Variants in RALYL observed in about 807,000 individuals in gnomAD.
RALYL encodes RALY RNA binding protein like, also known as RNA-binding Raly-like protein.
In RALYL, 29 loss-of-function variants were observed where a neutral mutation model predicts 35.1. That is an observed-to-expected ratio of 0.83 (90% CI 0.61 to 1.13). The LOEUF is 1.13. Ranked by LOEUF, RALYL falls within the 50% of genes most tolerant of loss-of-function variation. The probability of loss-of-function intolerance (pLI) is 0.00; values close to 1 mark genes in which losing one functional copy is unlikely to be tolerated. For missense variants in RALYL, 359 were observed against 360.4 expected, an observed-to-expected ratio of 1.00 and a Z score of 0.03; for synonymous variants, 120 against 127.6, an observed-to-expected ratio of 0.94 and a Z score of 0.40.
chr8:84,553,701 A>T (rs2060905378), intron 2 of RALYL, among the ~76,000 whole-genome samples: 1 of 152,038 alleles, frequency 6.6e-6, no homozygotes, highest in Non-Finnish European at 1.5e-5. Flanking sequence ...ACATTTTCTT[A>T]TTGTGCCTGG....
chr8:84,818,341 T>TATCA (rs1418548931), intron 4 of RALYL, among the ~76,000 whole-genome samples: 1 of 152,226 alleles, frequency 6.6e-6, no homozygotes, highest in Non-Finnish European at 1.5e-5. Context: ...GATAGCTGTC[T>TATCA]ATCAAGCATT....
intron 2 of RALYL, among the ~76,000 whole-genome samples, chr8:84,678,265 T>C (rs1834631434): frequency 6.6e-6 from 1 of 150,950 alleles, no homozygotes; most frequent in Non-Finnish European, 1.5e-5. Flanking sequence ...TGTTTTTTTG[T>C]TTTTGTTTTT....
intron 1 of RALYL, among the ~76,000 whole-genome samples, chr8:84,341,824 C>T (rs1004431217): frequency 4.0e-5 from 6 of 151,878 alleles, no homozygotes; most frequent in Non-Finnish European, 8.8e-5. Context: ...AGTCACTATT[C>T]AAGTCACTAT....
chr8:84,701,026 A>G (rs565882410), intron 2 of RALYL, among the ~76,000 whole-genome samples: 142 of 152,308 alleles, frequency 9.3e-4, no homozygotes, highest in African/African-American at 3.1e-3. Context: ...GAGAAAAGCC[A>G]GTGTTACCAC....
chr8:84,571,346 G>T (rs1476195860), intron 2 of RALYL, among the ~76,000 whole-genome samples: 1 of 151,676 alleles, frequency 6.6e-6, no homozygotes, highest in Admixed American at 6.6e-5. Context: ...ATCTTGGCTG[G>T]TTGTAAGTTT....
intron 2 of RALYL, among the ~76,000 whole-genome samples, chr8:84,725,295 G>T (rs962971708): frequency 1.3e-5 from 2 of 151,790 alleles, no homozygotes; most frequent in Middle Eastern, 3.4e-3. Context: ...TATCAACCAA[G>T]AATGGATATA....
intron 2 of RALYL, among the ~76,000 whole-genome samples, chr8:84,681,340 T>G (rs1022553879): frequency 5.3e-5 from 8 of 152,194 alleles, no homozygotes; most frequent in African/African-American, 1.9e-4. Context: ...GTGGGCTCAT[T>G]TTGCTTCCAT....
chr8:84,799,719 G>A (rs1013874060), intron 3 of RALYL, among the ~76,000 whole-genome samples: 3 of 152,240 alleles, frequency 2.0e-5, no homozygotes, highest in African/African-American at 7.2e-5. Flanking sequence ...CACTTTGGGA[G>A]GCCGAGGCAG....
At chr8:84,201,004 G>A (rs922910022) in intron 1 of RALYL, among the ~76,000 whole-genome samples, 5 of 152,126 alleles carry the variant, frequency 3.3e-5, no homozygotes, top group Admixed American at 2.0e-4. Flanking sequence ...ATTATATAAT[G>A]TATAAGAATG....
chr8:84,691,506 A>C (rs1237370628), intron 2 of RALYL, among the ~76,000 whole-genome samples: 4 of 152,234 alleles, frequency 2.6e-5, no homozygotes, highest in Admixed American at 6.6e-5. Context: ...AAAAACAAAG[A>C]GTAAGACTTC....
chr8:84,344,945 C>T (rs1183792326), intron 1 of RALYL, among the ~76,000 whole-genome samples: 1 of 152,030 alleles, frequency 6.6e-6, no homozygotes, highest in South Asian at 2.1e-4. Context: ...CATTCATCCA[C>T]TGATGGACAC....
At chr8:84,728,794 G>A (rs1360282770) in intron 2 of RALYL, among the ~76,000 whole-genome samples, 2 of 152,140 alleles carry the variant, frequency 1.3e-5, no homozygotes, top group Non-Finnish European at 2.9e-5. Context: ...TAGATATGCA[G>A]CATTATTTCT....
intron 2 of RALYL, among the ~76,000 whole-genome samples, chr8:84,571,857 T>G (rs943954145): frequency 1.3e-5 from 2 of 151,872 alleles, no homozygotes; most frequent in East Asian, 3.9e-4. Context: ...CTGCCTTAAT[T>G]TCTTTATTTA....
At chr8:84,575,567 A>G (rs1438879284) in intron 2 of RALYL, among the ~76,000 whole-genome samples, 2 of 152,196 alleles carry the variant, frequency 1.3e-5, no homozygotes, top group Non-Finnish European at 2.9e-5. Flanking sequence ...TTTGGGGCTT[A>G]TCTTGCTGAC....
At chr8:84,229,071 G>C (rs577913685) in intron 1 of RALYL, among the ~76,000 whole-genome samples, 22 of 152,130 alleles carry the variant, frequency 1.4e-4, no homozygotes, top group Non-Finnish European at 1.5e-5. Context: ...GCTTTTTATG[G>C]AATTTCATCT....
At chr8:84,243,893 C>T (rs1323709953) in intron 1 of RALYL, among the ~76,000 whole-genome samples, 1 of 152,080 alleles carries the variant, frequency 6.6e-6, no homozygotes, top group Admixed American at 6.6e-5. Context: ...AGGACATGCA[C>T]CCTCTCTTTG....
chr8:84,483,134 G>A (rs1406460369), intron 1 of RALYL, among the ~76,000 whole-genome samples: 3 of 152,058 alleles, frequency 2.0e-5, no homozygotes, highest in East Asian at 1.9e-4. Context: ...ATGAGAGCTA[G>A]CATTTAAAAT....
At chr8:84,415,159 TG>T (rs1407609997) in intron 1 of RALYL, among the ~76,000 whole-genome samples, 1 of 147,724 alleles carries the variant, frequency 6.8e-6, no homozygotes, top group Non-Finnish European at 1.5e-5. Flanking sequence ...ATTCTGCCTC[TG>T]TTTTTTTTTT....
chr8:84,367,122 CTTTTGTTTTCTTTTTTCT>C (rs1312758267), intron 1 of RALYL, among the ~76,000 whole-genome samples: 1 of 148,272 alleles, frequency 6.7e-6, no homozygotes, highest in Non-Finnish European at 1.5e-5. Context: ...TTTCTTTTTT[CTTTTGTTTTCTTTTTTCT>C]TTTTTTTTTT....
Sources: allele counts gnomAD v4.1 joint callset (sites outside exome capture counted in the v4.1 genomes callset), GRCh38; gene constraint gnomAD v4.1.1; transcripts MANE v1.5; gene names NCBI Gene and HGNC (gene_info 2026-07-23, HGNC 2026-07-21).